The following OLA1 variants were observed in gnomAD, a reference collection of about 807,000 sequenced individuals.
The protein encoded by OLA1 is Obg like ATPase 1.
Under a neutral mutation model 48.4 loss-of-function variants are expected in OLA1, and 14 were observed. That is an observed-to-expected ratio of 0.29 (90% confidence interval 0.19 to 0.45). The LOEUF is 0.45. Ranked by LOEUF, OLA1 falls within the 20% of genes least tolerant of loss-of-function variation. OLA1 has a pLI of 1.00. For synonymous variants in OLA1, 127 were observed against 150.4 expected (o/e 0.84, Z 1.14); for missense variants, 325 against 467.1 (o/e 0.70, Z 2.80).
intron 2 of OLA1, among the ~76,000 whole-genome samples, chr2:174,244,711 C>T (rs867787346): frequency 5.9e-5 from 9 of 151,926 alleles, no homozygotes; most frequent in Non-Finnish European, 1.3e-4. Flanking sequence ...GCAACCTCCA[C>T]CCCCCGGGCT....
rs1434248805 is a variant in OLA1 at position 174,248,458 on chromosome 2, C to G, written c.-7G>C. 3 of 164,724 alleles carry G rather than the reference C, an allele frequency of 1.8e-5. No individual in the cohort carries two copies. In the South Asian group the frequency reaches 6.2e-4, roughly 34 times the overall value. 10.2% of individuals were successfully genotyped at this position (164,724 alleles called of 1,614,324 possible). On this transcript the variant is annotated 5_prime_UTR_variant, in exon 1 of 11. Coordinates refer to ENST00000284719, the MANE Select transcript of OLA1 (RefSeq NM_013341.5). ...GGCTCCCTGAGGGCCTCACCGTGCT[C>G]GGCCTGGGCGATGACACGGGGTCCC...
intron 5 of OLA1, among the ~76,000 whole-genome samples, chr2:174,138,975 G>A (rs932625994): frequency 3.3e-5 from 5 of 152,068 alleles, no homozygotes; most frequent in African/African-American, 1.2e-4. Flanking sequence ...CCAAATAATC[G>A]ATACAAAATA....
At chr2:174,162,356 C>A (rs1340632444) in intron 4 of OLA1, among the ~76,000 whole-genome samples, 1 of 152,132 alleles carries the variant, frequency 6.6e-6, no homozygotes, top group African/African-American at 2.4e-5. Context: ...CATCTAATTT[C>A]TCAAAGGCCA....
At chr2:174,205,675 A>C (rs1688096167) in intron 4 of OLA1, among the ~76,000 whole-genome samples, 1 of 152,216 alleles carries the variant, frequency 6.6e-6, no homozygotes, top group African/African-American at 2.4e-5. Context: ...AGTCAAATCC[A>C]GGACAGTCAG....
chr2:174,120,541 T>C (rs1034740839), intron 7 of OLA1, among the ~76,000 whole-genome samples: 9 of 152,182 alleles, frequency 5.9e-5, no homozygotes, highest in African/African-American at 1.9e-4. Context: ...CCGGCTGCCA[T>C]GTCAGCTTCT....
chr2:174,242,381 G>A (rs1689023599), intron 2 of OLA1, among the ~76,000 whole-genome samples: 1 of 152,208 alleles, frequency 6.6e-6, no homozygotes, highest in Non-Finnish European at 1.5e-5. Flanking sequence ...CTGCTGACCT[G>A]ACCGGAGGTG....
intron 2 of OLA1, among the ~76,000 whole-genome samples, chr2:174,231,163 T>A (rs12475788): frequency 0.13 from 19,398 of 152,168 alleles, 1,441 homozygotes; most frequent in East Asian, 0.21. Context: ...CACTCTCCAT[T>A]CCTTCTTCCC....
chr2:174,205,588 G>A (rs962169503), intron 4 of OLA1, among the ~76,000 whole-genome samples: 1 of 152,174 alleles, frequency 6.6e-6, no homozygotes, highest in Non-Finnish European at 1.5e-5. Context: ...CCTTACCTGT[G>A]AGAAATACAA....
At chr2:174,203,888 G>A (rs908239083) in intron 4 of OLA1, among the ~76,000 whole-genome samples, 8 of 150,594 alleles carry the variant, frequency 5.3e-5, no homozygotes, top group Admixed American at 4.0e-4. Flanking sequence ...TCTGCCGCCC[G>A]GGTTCAAGTG....
chr2:174,096,044 GATT>G (rs1323836094), intron 7 of OLA1, among the ~76,000 whole-genome samples: 1 of 152,200 alleles, frequency 6.6e-6, no homozygotes, highest in East Asian at 1.9e-4. Flanking sequence ...CTACTAGGAT[GATT>G]ATAATTAAGA....
At chr2:174,174,048 AAAAAC>A (rs1381741283) in intron 4 of OLA1, among the ~76,000 whole-genome samples, 3 of 149,556 alleles carry the variant, frequency 2.0e-5, no homozygotes, top group Middle Eastern at 3.5e-3. Flanking sequence ...AAAAAAAAAA[AAAAAC>A]AAAAAAAAAC....
intron 7 of OLA1, among the ~76,000 whole-genome samples, chr2:174,108,880 A>T (rs189119790): frequency 6.4e-4 from 97 of 152,302 alleles, no homozygotes; most frequent in African/African-American, 2.2e-3. Flanking sequence ...TTATTTGCTT[A>T]CTGATAACTT....
At chr2:174,214,941 TG>T (rs1688329303) in intron 4 of OLA1, among the ~76,000 whole-genome samples, 1 of 151,064 alleles carries the variant, frequency 6.6e-6, no homozygotes, top group South Asian at 2.1e-4. Context: ...TTCCAGCTAC[TG>T]GGGAGGCTGA....
chr2:174,090,382 C>A (rs1685086473), intron 7 of OLA1, among the ~76,000 whole-genome samples: 1 of 152,092 alleles, frequency 6.6e-6, no homozygotes, highest in Non-Finnish European at 1.5e-5. Flanking sequence ...AAAAAAAGTT[C>A]TTTACAATGA....
chr2:174,195,997 GA>G (rs1241803008), intron 4 of OLA1, among the ~76,000 whole-genome samples: 1 of 151,880 alleles, frequency 6.6e-6, no homozygotes, highest in Non-Finnish European at 1.5e-5. Context: ...TTATAACCAG[GA>G]TTATTTAACA....
intron 7 of OLA1, among the ~76,000 whole-genome samples, chr2:174,086,639 G>C (rs1684984072): frequency 6.6e-6 from 1 of 152,146 alleles, no homozygotes. Context: ...CAAGCACCAT[G>C]ATACCTTGAC....
intron 2 of OLA1, among the ~76,000 whole-genome samples, chr2:174,229,820 G>A (rs1272186199): frequency 6.6e-6 from 1 of 152,098 alleles, no homozygotes; most frequent in Non-Finnish European, 1.5e-5. Context: ...ACCTTCTCTA[G>A]CATGAAATGT....
chr2:174,179,292 C>T (rs1438040045), intron 4 of OLA1, among the ~76,000 whole-genome samples: 1 of 151,400 alleles, frequency 6.6e-6, no homozygotes, highest in Non-Finnish European at 1.5e-5. Flanking sequence ...ATTAGTACAA[C>T]ACATCAAAGT....
chr2:174,096,119 G>C (rs1685250520), intron 7 of OLA1, among the ~76,000 whole-genome samples: 1 of 152,120 alleles, frequency 6.6e-6, no homozygotes, highest in South Asian at 2.1e-4. Flanking sequence ...AAAGAAATGA[G>C]GTACTGATAC....
Sources: gnomAD v4.1 joint callset for allele counts (sites outside exome capture counted in the v4.1 genomes callset) on GRCh38, gnomAD v4.1.1 for gene constraint, MANE v1.5 for transcripts, NCBI Gene and HGNC (gene_info 2026-07-23, HGNC 2026-07-21) for gene names.